AVEN: variants seen among roughly 807,000 people sequenced by gnomAD.
AVEN encodes the protein cell death regulator Aven.
Under a neutral mutation model 38.1 loss-of-function variants are expected in AVEN, and 41 were observed. The observed-to-expected ratio is 1.08, with a 90% CI of 0.84 to 1.40. The LOEUF (loss-of-function observed/expected upper bound fraction) is 1.40. AVEN is among the 40% of genes most tolerant of loss of function. The probability of loss-of-function intolerance (pLI) is 0.00; values close to 1 mark genes in which losing one functional copy is unlikely to be tolerated. For synonymous variants in AVEN, 206 were observed against 171.8 expected (o/e 1.20, Z -1.56); for missense variants, 605 against 438.8 (o/e 1.38, Z -3.38).
intron 2 of AVEN, among the ~76,000 whole-genome samples, chr15:33,997,165 C>G (rs1250410340): frequency 1.3e-5 from 2 of 152,246 alleles, no homozygotes; most frequent in South Asian, 2.1e-4. Context: ...AGGCATAAAA[C>G]AGCATAAACA....
intron 1 of AVEN, among the ~76,000 whole-genome samples, chr15:34,072,262 C>G (rs1311285628): frequency 6.9e-6 from 1 of 145,672 alleles, no homozygotes; most frequent in African/African-American, 2.6e-5. Context: ...GAGTGAGACC[C>G]TGTCTTTAAA....
chr15:33,859,545 G>A, intron 11 of AVEN: 1 of 1,612,690 alleles, frequency 6.2e-7, no homozygotes, highest in Non-Finnish European at 8.5e-7. Context: ...TGTGACTTTT[G>A]CCTAAATCCC....
At chr15:34,029,585 T>G (rs1486785420) in intron 1 of AVEN, among the ~76,000 whole-genome samples, 1 of 150,040 alleles carries the variant, frequency 6.7e-6, no homozygotes, top group Non-Finnish European at 1.5e-5. Flanking sequence ...TGTTTACATA[T>G]TCATAGTACT....
chr15:34,019,259 A>C (rs1261533813), intron 1 of AVEN, among the ~76,000 whole-genome samples: 3 of 152,246 alleles, frequency 2.0e-5, no homozygotes, highest in African/African-American at 7.2e-5. Flanking sequence ...TTTTAAGAAA[A>C]ATCTTTTAAA....
At chr15:33,999,928 A>C (rs75169769) in intron 2 of AVEN, among the ~76,000 whole-genome samples, 2 of 152,318 alleles carry the variant, frequency 1.3e-5, no homozygotes, top group African/African-American at 4.8e-5. Flanking sequence ...ACATCTTTAC[A>C]ATGGTCTACA....
At chr15:33,910,083 G>A (rs976964495) in intron 2 of AVEN, among the ~76,000 whole-genome samples, 4 of 149,746 alleles carry the variant, frequency 2.7e-5, no homozygotes, top group Non-Finnish European at 4.4e-5. Context: ...AGCTGAGATC[G>A]CACCGCTGCA....
chr15:33,875,562 A>ATATC (rs1891186719), intron 3 of AVEN, among the ~76,000 whole-genome samples: 1 of 152,206 alleles, frequency 6.6e-6, no homozygotes, highest in Non-Finnish European at 1.5e-5. Flanking sequence ...AACACCAAAA[A>ATATC]CAGTGAGAGA....
chr15:34,005,587 ATAAC>A (rs1475013160), intron 1 of AVEN, among the ~76,000 whole-genome samples: 1 of 152,204 alleles, frequency 6.6e-6, no homozygotes, highest in East Asian at 1.9e-4. Context: ...ACTATATATA[ATAAC>A]TAAGATGGAC....
At chr15:33,864,202 G>A (rs369233619), downstream of AVEN, 159 of 1,601,454 alleles carry the variant, frequency 9.9e-5, no homozygotes, top group Non-Finnish European at 1.3e-4. Context: ...GAGAAATTAA[G>A]AATCATATAC....
At chr15:33,956,560 G>C (rs1894961248) in intron 2 of AVEN, among the ~76,000 whole-genome samples, 1 of 150,420 alleles carries the variant, frequency 6.6e-6, no homozygotes, top group Non-Finnish European at 1.5e-5. Context: ...TTGGAAACTA[G>C]TTCTCTGTAA....
At position 34,073,983 on chromosome 15, in the gene AVEN, CTTCTTCT is replaced by C. The variant is rs1900684520; in HGVS notation, n.720+446_720+452del. 6.2e-4 allele frequency among the ~76,000 whole-genome samples: 13 copies of C among 20,814 alleles called. 2 individuals are homozygous for C. Among genetic ancestry groups the C allele is most frequent in the Non-Finnish European group, 1.6e-3 (12 of 7,344 alleles). The allele number at this position is 20,814 out of a possible 152,430, so 13.7% of individuals were successfully genotyped here. ...GTTTGGAGGAACTTTCTTTTTTCTT[CTTCTTCT>C]TTTTTTTTTTTTTTTTTTTTTTTTT... On this transcript the variant is annotated intron_variant and non_coding_transcript_variant, in intron 1 of 11. Transcript: ENST00000675287.
intron 1 of AVEN, among the ~76,000 whole-genome samples, 187 bp downstream of exon 1, chr15:34,038,593 A>G (rs1372583312): frequency 6.9e-6 from 1 of 144,316 alleles, no homozygotes; most frequent in Non-Finnish European, 1.5e-5. Flanking sequence ...GGCCAAGCGC[A>G]TACCCAGGCG....
intron 2 of AVEN, among the ~76,000 whole-genome samples, chr15:33,913,698 A>G (rs1893007866): frequency 6.6e-6 from 1 of 152,214 alleles, no homozygotes; most frequent in African/African-American, 2.4e-5. Context: ...TCAAATGATA[A>G]AGAATATAAC....
intron 2 of AVEN, among the ~76,000 whole-genome samples, chr15:33,950,070 G>C (rs1894677536): frequency 6.6e-6 from 1 of 152,210 alleles, no homozygotes; most frequent in Non-Finnish European, 1.5e-5. Flanking sequence ...CAACAATGTG[G>C]ATGAACCTGG....
intron 2 of AVEN, among the ~76,000 whole-genome samples, chr15:33,933,382 G>T (rs1367106437): frequency 1.3e-5 from 2 of 152,044 alleles, no homozygotes; most frequent in Non-Finnish European, 2.9e-5. Flanking sequence ...TGGAGATGGA[G>T]AGAAATGAAT....
chr15:33,864,602 G>C (rs1889801341), downstream of AVEN, among the ~76,000 whole-genome samples: 2 of 151,436 alleles, frequency 1.3e-5, no homozygotes, highest in South Asian at 4.1e-4. Context: ...GCATGTGAGA[G>C]GATGAGTGAA....
intron 2 of AVEN, among the ~76,000 whole-genome samples, chr15:33,880,639 T>C (rs930598583): frequency 2.6e-5 from 4 of 152,268 alleles, no homozygotes; most frequent in African/African-American, 9.6e-5. Flanking sequence ...AATGACACTA[T>C]CAATAGCCTC....
downstream of AVEN, chr15:33,856,789 G>GCT (rs1160259699): frequency 1.3e-5 from 2 of 152,458 alleles, no homozygotes; most frequent in Non-Finnish European, 2.9e-5. Context: ...CTCCCAAGTA[G>GCT]GTGGGATTAC....
At chr15:34,052,038 A>G (rs938300334) in intron 5 of AVEN, among the ~76,000 whole-genome samples, 4 of 152,176 alleles carry the variant, frequency 2.6e-5, no homozygotes, top group African/African-American at 9.6e-5. Context: ...GCAGAGATAC[A>G]ACAAAAAAAA....
Sources: gnomAD v4.1 joint callset for allele counts (sites outside exome capture counted in the v4.1 genomes callset) on GRCh38, gnomAD v4.1.1 for gene constraint, MANE v1.5 for transcripts, NCBI Gene and HGNC (gene_info 2026-07-23, HGNC 2026-07-21) for gene names.